DCUN1D1: variants seen among roughly 807,000 people sequenced by gnomAD.
The protein encoded by DCUN1D1 is defective in cullin neddylation 1 domain containing 1.
Under a neutral mutation model 39.0 loss-of-function variants are expected in DCUN1D1, and 3 were observed. That is an observed-to-expected ratio of 0.08 (90% CI 0.04 to 0.20). The LOEUF (loss-of-function observed/expected upper bound fraction) is 0.20, where lower values mean the gene tolerates loss of function less well. Among genes scored for constraint, DCUN1D1 ranks in the 10% least tolerant of loss-of-function variants. The probability of loss-of-function intolerance (pLI) is 1.00; values close to 1 mark genes in which losing one functional copy is unlikely to be tolerated. For synonymous variants in DCUN1D1, 82 were observed against 96.3 expected, an observed-to-expected ratio of 0.85 and a Z score of 0.87; for missense variants, 158 against 302.4, an observed-to-expected ratio of 0.52 and a Z score of 3.54.
chr3:182,972,661 A>G (rs1358841372), intron 1 of DCUN1D1, among the ~76,000 whole-genome samples: 1 of 152,068 alleles, frequency 6.6e-6, no homozygotes, highest in Non-Finnish European at 1.5e-5. Context: ...GGGTCACTTG[A>G]GTCCAGAAAG....
At chr3:182,980,428 G>T in intron 1 of DCUN1D1, 59 bp downstream of exon 1, 1 of 1,031,576 alleles carries the variant, frequency 9.7e-7, no homozygotes, top group South Asian at 4.3e-5. Flanking sequence ...CCGGGGCGGG[G>T]GTGCGCGGCA....
chr3:182,938,950 G>C lies in DCUN1D1; in HGVS notation c.*6144C>G, dbSNP rs890410462. ...GCACCAGCCATCAGCACCACTCTTCGCTGACACATTTCTTCTCACCAGAGA... is the reference window on the plus strand; with the variant it reads ...GCACCAGCCATCAGCACCACTCTTCCCTGACACATTTCTTCTCACCAGAGA... On this transcript the variant is annotated 3_prime_UTR_variant, in exon 7 of 7. Transcript: ENST00000292782. The C allele has an allele frequency of 6.6e-6, 1 of 152,458 alleles. No homozygotes were observed. The highest frequency in any genetic ancestry group is 1.5e-5 in the Non-Finnish European group (1 of 68,096). 9.4% of individuals were successfully genotyped at this position (152,458 alleles called of 1,614,324 possible). A position where few individuals can be genotyped will look rare whatever the true frequency, so the allele number is the denominator to read the frequency against.
intron 4 of DCUN1D1, 59 bp downstream of exon 4, chr3:182,961,167 C>CAAAT: frequency 8.6e-7 from 1 of 1,166,132 alleles, no homozygotes; most frequent in Non-Finnish European, 1.2e-6. Flanking sequence ...ACAAAAACGA[C>CAAAT]ACTGTCAATG....
intron 4 of DCUN1D1, among the ~76,000 whole-genome samples, chr3:182,949,058 A>G (rs1257769101): frequency 6.6e-6 from 1 of 151,664 alleles, no homozygotes; most frequent in Non-Finnish European, 1.5e-5. Context: ...CAAAAAAAAA[A>G]AAAACAAGGA....
At chr3:182,961,398 C>T in intron 3 of DCUN1D1, 42 bp from the exon 4 acceptor site, 10 of 1,504,482 alleles carry the variant, frequency 6.6e-6, no homozygotes, top group Middle Eastern at 1.8e-4. Context: ...AACTGTTTCA[C>T]TATAAATTAA....
chr3:182,955,082 C>A (rs1463275855), intron 4 of DCUN1D1, among the ~76,000 whole-genome samples: 1 of 151,028 alleles, frequency 6.6e-6, no homozygotes, highest in Non-Finnish European at 1.5e-5. Context: ...CTCTTGCTGT[C>A]CAAAATGGAG....
chr3:182,963,410 G>A (rs1335194029), intron 3 of DCUN1D1, among the ~76,000 whole-genome samples: 1 of 152,104 alleles, frequency 6.6e-6, no homozygotes, highest in Admixed American at 6.5e-5. Flanking sequence ...ACAACTAGAG[G>A]TCACAGGTAA....
intron 1 of DCUN1D1, among the ~76,000 whole-genome samples, chr3:182,971,228 C>T (rs1480976845): frequency 6.6e-6 from 1 of 152,142 alleles, no homozygotes; most frequent in African/African-American, 2.4e-5. Context: ...ACTCTTAGAA[C>T]TGTAACTAGC....
intron 1 of DCUN1D1, among the ~76,000 whole-genome samples, chr3:182,974,954 C>T (rs918185632): frequency 9.2e-5 from 14 of 151,964 alleles, no homozygotes; most frequent in Non-Finnish European, 2.9e-5. Flanking sequence ...TAGTCAAGAG[C>T]TTGTTTCTGT....
At chr3:182,966,767 T>C (rs768116255) in intron 1 of DCUN1D1, among the ~76,000 whole-genome samples, 2 of 152,182 alleles carry the variant, frequency 1.3e-5, no homozygotes, top group Non-Finnish European at 2.9e-5. Context: ...TAAGCTACTA[T>C]TGTAAATGAA....
intron 2 of DCUN1D1, among the ~76,000 whole-genome samples, chr3:182,964,631 CTTTCT>C (rs1560174524): frequency 1.4e-5 from 2 of 145,406 alleles, no homozygotes; most frequent in African/African-American, 2.6e-5. Context: ...TTACTAACAC[CTTTCT>C]TTTTTTTTTT....
At chr3:182,965,464 T>C (rs1040074242) in intron 2 of DCUN1D1, 73 bp downstream of exon 2, 57 of 935,662 alleles carry the variant, frequency 6.1e-5, no homozygotes, top group Middle Eastern at 4.8e-4. Context: ...TATATAGTAT[T>C]TCATTTCTCA....
chr3:182,972,249 G>A (rs776987736), intron 1 of DCUN1D1, among the ~76,000 whole-genome samples: 3 of 151,524 alleles, frequency 2.0e-5, no homozygotes, highest in African/African-American at 7.3e-5. Context: ...TCTAAGTCAG[G>A]GTTCCCTTTT....
upstream of DCUN1D1, among the ~76,000 whole-genome samples, chr3:182,984,295 AATC>A (rs1298102739): frequency 1.3e-5 from 2 of 152,232 alleles, no homozygotes; most frequent in Admixed American, 6.5e-5. Context: ...ATTATTACTC[AATC>A]ATCATGATTG....
intron 1 of DCUN1D1, among the ~76,000 whole-genome samples, chr3:182,973,801 C>T (rs966052349): frequency 1.4e-5 from 2 of 147,122 alleles, no homozygotes; most frequent in Admixed American, 1.3e-4. Context: ...GTGCGAAACT[C>T]CGGCTCAAAA....
intron 6 of DCUN1D1, 42 bp from the exon 7 acceptor site, chr3:182,945,215 A>G (rs1726332163): frequency 1.3e-6 from 2 of 1,493,812 alleles, no homozygotes; most frequent in Non-Finnish European, 9.2e-7. Flanking sequence ...AAGGGGGAAA[A>G]AAGCAGAAAT....
chr3:182,944,123 C>T lies in DCUN1D1; in HGVS notation c.*971G>A, dbSNP rs1462568331. On this transcript the variant is annotated 3_prime_UTR_variant, in exon 7 of 7. Transcript: ENST00000292782. ...ATCTTCTTATAAATTAAGAGAATTCCATTTGTGTTCCATAGTGCGATGACA... is the reference window on the plus strand; with the variant it reads ...ATCTTCTTATAAATTAAGAGAATTCTATTTGTGTTCCATAGTGCGATGACA... The T allele has an allele frequency of 6.6e-6, 1 of 152,324 alleles. No individual in the cohort carries two copies. The highest frequency in any genetic ancestry group is 1.9e-4 in the East Asian group (1 of 5,200). 9.4% of individuals were successfully genotyped at this position (152,324 alleles called of 1,614,324 possible).
At chr3:182,976,444 TACAC>T (rs59465164) in intron 1 of DCUN1D1, among the ~76,000 whole-genome samples, 12,853 of 140,608 alleles carry the variant, frequency 0.091, 676 homozygotes, top group East Asian at 0.24. Context: ...TATACATACA[TACAC>T]ACACACACAC....
chr3:182,961,882 T>G (rs1164549543), intron 3 of DCUN1D1, among the ~76,000 whole-genome samples: 1 of 152,204 alleles, frequency 6.6e-6, no homozygotes, highest in Admixed American at 6.5e-5. Flanking sequence ...AAATTAATAT[T>G]AAGCTTTTTC....
Sources: allele counts gnomAD v4.1 joint callset (sites outside exome capture counted in the v4.1 genomes callset), GRCh38; gene constraint gnomAD v4.1.1; transcripts MANE v1.5; gene names NCBI Gene and HGNC (gene_info 2026-07-23, HGNC 2026-07-21).